The following JPT1 variants were observed in gnomAD, a reference collection of about 807,000 sequenced individuals.
JPT1 encodes the protein androgen-regulated protein 2.
A neutral mutation model predicts 17.0 loss-of-function variants in JPT1; 5 were observed. The observed-to-expected ratio is 0.29, with a 90% CI of 0.15 to 0.62. The LOEUF (loss-of-function observed/expected upper bound fraction) is 0.62. Among genes scored for constraint, JPT1 ranks in the 20% least tolerant of loss-of-function variants. The pLI is 0.85. For missense variants in JPT1, 158 were observed against 188.1 expected, an observed-to-expected ratio of 0.84 and a Z score of 0.94; for synonymous variants, 71 against 73.6, an observed-to-expected ratio of 0.96 and a Z score of 0.18.
Position 75,135,891 on chromosome 17 carries a change from C to G in JPT1, c.*211G>C. 2 of 990,418 alleles carry G rather than the reference C, an allele frequency of 2.0e-6. No individual in the cohort carries two copies. The highest frequency in any genetic ancestry group is 5.2e-5 in the Admixed American group (2 of 38,362). 61.4% of individuals were successfully genotyped at this position (990,418 alleles called of 1,614,324 possible). A position where few individuals can be genotyped will look rare whatever the true frequency, so the allele number is the denominator to read the frequency against. Reference sequence around the variant, plus strand: ...GTCACAAAGCTTTCCCTCCAATCTACTACTAGAAAACACTCATGCCATGGC... The same window carrying G: ...GTCACAAAGCTTTCCCTCCAATCTAGTACTAGAAAACACTCATGCCATGGC... On this transcript the variant is annotated 3_prime_UTR_variant, in exon 5 of 5. Coordinates refer to ENST00000409753, the MANE Select transcript of JPT1 (RefSeq NM_016185.4).
intron 4 of JPT1, chr17:75,145,399 C>G (rs1006090823): frequency 2.0e-5 from 3 of 152,130 alleles, no homozygotes; most frequent in African/African-American, 7.2e-5. Context: ...CACTCATCGG[C>G]AAGTCTTTAG....
chr17:75,149,738 C>T (rs930711764), intron 1 of JPT1, among the ~76,000 whole-genome samples: 3 of 152,076 alleles, frequency 2.0e-5, no homozygotes, highest in Non-Finnish European at 2.9e-5. Context: ...TGGGCACGAT[C>T]AGTAGCAGGC....
intron 1 of JPT1, 129 bp from the exon 2 acceptor site, chr17:75,148,800 T>G: frequency 9.1e-7 from 1 of 1,103,034 alleles, no homozygotes; most frequent in Non-Finnish European, 1.3e-6. Flanking sequence ...AGATAGCTGC[T>G]AACAGGAAAA....
intron 4 of JPT1, among the ~76,000 whole-genome samples, chr17:75,136,779 C>T (rs2074206750): frequency 1.3e-5 from 2 of 152,126 alleles, no homozygotes; most frequent in African/African-American, 2.4e-5. Context: ...CGTGAGCCAC[C>T]GCGCCTGGCC....
intron 4 of JPT1, chr17:75,141,314 T>C (rs921909129): frequency 1.3e-5 from 2 of 152,154 alleles, no homozygotes; most frequent in African/African-American, 4.8e-5. Context: ...TTAAGACAGA[T>C]GAACTAAAGT....
intron 4 of JPT1, among the ~76,000 whole-genome samples, chr17:75,139,786 C>G (rs537144074): frequency 6.6e-6 from 1 of 152,072 alleles, no homozygotes; most frequent in South Asian, 2.1e-4. Context: ...CCACAGCACT[C>G]CAGCCTGGGC....
At chr17:75,146,568 T>TC in intron 4 of JPT1, 98 bp downstream of exon 4, 1 of 898,798 alleles carries the variant, frequency 1.1e-6, no homozygotes, top group South Asian at 1.6e-5. Flanking sequence ...CAGGTTTCAC[T>TC]CCCCAGTCTC....
At chr17:75,145,207 CTG>C (rs2074402682) in intron 4 of JPT1, 1 of 109,844 alleles carries the variant, frequency 9.1e-6, no homozygotes, top group African/African-American at 2.5e-5. Context: ...AAACAGAACA[CTG>C]TGTGAGAAGG....
chr17:75,144,190 T>C (rs1394232951), intron 4 of JPT1, among the ~76,000 whole-genome samples: 2 of 152,024 alleles, frequency 1.3e-5, no homozygotes, highest in Non-Finnish European at 2.9e-5. Flanking sequence ...GCCCCAAGTA[T>C]CTCCTCACTG....
chr17:75,136,414 A>G, intron 4 of JPT1, 164 bp from the exon 5 acceptor site: 1 of 583,324 alleles, frequency 1.7e-6, no homozygotes, highest in Non-Finnish European at 2.9e-6. Context: ...CACAGAATTA[A>G]CCATTGTTCA....
intron 1 of JPT1, among the ~76,000 whole-genome samples, chr17:75,150,808 T>C (rs2074534381): frequency 6.6e-6 from 1 of 152,078 alleles, no homozygotes; most frequent in Admixed American, 6.6e-5. Context: ...CTGGTTTTGT[T>C]TCTTCATAAG....
At chr17:75,141,531 T>C (rs1338625843) in intron 4 of JPT1, among the ~76,000 whole-genome samples, 1 of 151,804 alleles carries the variant, frequency 6.6e-6, no homozygotes, top group Non-Finnish European at 1.5e-5. Context: ...TGCATGCCTG[T>C]AGTCCCAGCT....
At chr17:75,136,329 CTTT>C (rs147209511) in intron 4 of JPT1, 79 bp from the exon 5 acceptor site, 2 of 1,257,434 alleles carry the variant, frequency 1.6e-6, no homozygotes, top group Non-Finnish European at 2.1e-6. Context: ...TTCTCTTTTT[CTTT>C]TTTTTTTGGT....
At chr17:75,147,722 G>A in intron 2 of JPT1, 69 bp from the exon 3 acceptor site, 1 of 1,253,150 alleles carries the variant, frequency 8.0e-7, no homozygotes, top group Non-Finnish European at 1.2e-6. Flanking sequence ...CTTCAGGCTG[G>A]GCACGGTGGC....
At chr17:75,136,678 G>C (rs772019889) in intron 4 of JPT1, among the ~76,000 whole-genome samples, 3 of 152,166 alleles carry the variant, frequency 2.0e-5, no homozygotes, top group Non-Finnish European at 4.4e-5. Flanking sequence ...TTTTAGTACA[G>C]ATGGGGTTTC....
In JPT1 at chr17:75,154,345, G is replaced by A. The variant is rs1258016353; in HGVS notation, c.53C>T (p.Ser18Phe). ...KGVDPNSRNS[S>F]RVLRPPGGGS... ...GGGCGCGACCCGGTCGCCTCACCGG[G>A]AGCTATTCCTGCTGTTGGGGTCGAC... Residue 18 changes from serine (S) to phenylalanine (F), a missense_variant, in exon 1 of 5, where the codon TCC becomes TTC. Coordinates refer to ENST00000409753, the MANE Select transcript of JPT1 (RefSeq NM_016185.4). The A allele has an allele frequency of 5.2e-6, 8 of 1,546,814 alleles. No individual in the cohort carries two copies. The highest frequency in any genetic ancestry group is 7.0e-6 in the Non-Finnish European group (8 of 1,145,474).
chr17:75,150,200 T>G (rs1486541281), intron 1 of JPT1, among the ~76,000 whole-genome samples: 1 of 152,150 alleles, frequency 6.6e-6, no homozygotes, highest in African/African-American at 2.4e-5. Flanking sequence ...TAACTCCTCT[T>G]GCCACCTCTC....
At chr17:75,136,741 C>T (rs1167287018) in intron 4 of JPT1, among the ~76,000 whole-genome samples, 4 of 152,176 alleles carry the variant, frequency 2.6e-5, no homozygotes, top group East Asian at 3.8e-4. Flanking sequence ...CCACCTGCCT[C>T]GGCCTCCCAA....
chr17:75,143,432 A>C (rs956623423), intron 4 of JPT1, among the ~76,000 whole-genome samples: 1 of 152,080 alleles, frequency 6.6e-6, no homozygotes, highest in African/African-American at 2.4e-5. Context: ...AGTAGCGTGC[A>C]CCTGTAATCT....
Sources: gnomAD v4.1 joint callset for allele counts (sites outside exome capture counted in the v4.1 genomes callset) on GRCh38, gnomAD v4.1.1 for gene constraint, MANE v1.5 for transcripts, NCBI Gene and HGNC (gene_info 2026-07-23, HGNC 2026-07-21) for gene names.